The following CRTC3 variants were observed in gnomAD, a reference collection of about 807,000 sequenced individuals.
CRTC3 encodes CREB regulated transcription coactivator 3, also known as CREB-regulated transcription coactivator 3.
A neutral mutation model predicts 74.5 loss-of-function variants in CRTC3; 26 were observed. The observed-to-expected ratio is 0.35, with a 90% CI of 0.26 to 0.48. CRTC3 has a LOEUF of 0.48. CRTC3 is among the 20% of genes least tolerant of loss of function. The pLI is 0.99. For synonymous variants in CRTC3, 377 were observed against 325.8 expected (o/e 1.16, Z -1.69); for missense variants, 760 against 787.3 (o/e 0.97, Z 0.41).
At chr15:90,585,086 T>A (rs76064851) in intron 2 of CRTC3, among the ~76,000 whole-genome samples, 6,102 of 152,294 alleles carry the variant, frequency 0.04, 394 homozygotes, top group African/African-American at 0.14. Context: ...TGTAATTGAA[T>A]CTTAAATCTT....
intron 6 of CRTC3, among the ~76,000 whole-genome samples, chr15:90,608,142 CTG>C (rs1238114751): frequency 6.6e-6 from 1 of 152,152 alleles, no homozygotes; most frequent in Non-Finnish European, 1.5e-5. Context: ...CCCCTGGCCA[CTG>C]TGAGTAAGGG....
chr15:90,587,325 TC>T (rs1345729909), intron 2 of CRTC3, among the ~76,000 whole-genome samples: 1 of 152,170 alleles, frequency 6.6e-6, no homozygotes, highest in Non-Finnish European at 1.5e-5. Context: ...TACCTGGAAA[TC>T]CACAACTCTG....
intron 2 of CRTC3, among the ~76,000 whole-genome samples, chr15:90,568,554 T>G (rs1967178736): frequency 6.6e-6 from 1 of 151,920 alleles, no homozygotes; most frequent in African/African-American, 2.4e-5. Flanking sequence ...TTTCATCATA[T>G]TGGCCAGGCT....
chr15:90,613,192 A>AGGG (rs1567184644), intron 6 of CRTC3, among the ~76,000 whole-genome samples: 1 of 151,206 alleles, frequency 6.6e-6, no homozygotes, highest in African/African-American at 2.4e-5. Flanking sequence ...CGGGAAAAAA[A>AGGG]AAAAAAAAAA....
At chr15:90,582,612 A>T (rs1204981215) in intron 2 of CRTC3, among the ~76,000 whole-genome samples, 1 of 152,230 alleles carries the variant, frequency 6.6e-6, no homozygotes, top group Non-Finnish European at 1.5e-5. Context: ...AATTATGTAC[A>T]TATAACACTG....
intron 10 of CRTC3, among the ~76,000 whole-genome samples, chr15:90,628,997 CT>C (rs963508141): frequency 6.6e-6 from 1 of 152,132 alleles, no homozygotes; most frequent in African/African-American, 2.4e-5. Flanking sequence ...TTGACGTGAT[CT>C]CCCTCCTCAT....
At chr15:90,567,138 GA>G (rs1771613905) in intron 2 of CRTC3, among the ~76,000 whole-genome samples, 1 of 152,084 alleles carries the variant, frequency 6.6e-6, no homozygotes. Flanking sequence ...CTGGTGACTT[GA>G]AGTGGTTTCA....
intron 2 of CRTC3, among the ~76,000 whole-genome samples, chr15:90,580,586 C>T (rs996201643): frequency 6.6e-6 from 1 of 152,030 alleles, no homozygotes; most frequent in African/African-American, 2.4e-5. Context: ...TGCATGACCA[C>T]ACCCAGCTAA....
intron 9 of CRTC3, 65 bp from the exon 10 acceptor site, chr15:90,625,711 C>A: frequency 1.4e-6 from 2 of 1,405,856 alleles, no homozygotes; most frequent in East Asian, 2.3e-5. Context: ...AAGGTTTCAG[C>A]CATGTTTGGT....
chr15:90,585,035 G>A (rs753098956), intron 2 of CRTC3, among the ~76,000 whole-genome samples: 1 of 152,222 alleles, frequency 6.6e-6, no homozygotes, highest in African/African-American at 2.4e-5. Context: ...TGTGCCGTTT[G>A]TATTGCATCA....
chr15:90,537,909 A>C (rs1428113849), intron 1 of CRTC3, among the ~76,000 whole-genome samples: 1 of 152,184 alleles, frequency 6.6e-6, no homozygotes, highest in Non-Finnish European at 1.5e-5. Context: ...CAGTCTTTGA[A>C]GGCTTCGGAA....
intron 2 of CRTC3, among the ~76,000 whole-genome samples, chr15:90,578,531 G>A (rs1042831109): frequency 3.3e-5 from 5 of 151,952 alleles, no homozygotes; most frequent in African/African-American, 1.2e-4. Flanking sequence ...TTCAGGCTGG[G>A]CAACAGAGCG....
intron 2 of CRTC3, among the ~76,000 whole-genome samples, chr15:90,570,766 G>C (rs371362303): frequency 6.6e-6 from 1 of 152,174 alleles, no homozygotes; most frequent in Non-Finnish European, 1.5e-5. Flanking sequence ...AGAAATGAGA[G>C]ATGGTTTGTG....
rs1429579262 is a variant in CRTC3 at position 90,607,489 on chromosome 15, C to T, written c.577+11C>T. 6 of 1,485,490 alleles carry T rather than the reference C, an allele frequency of 4.0e-6. No homozygotes were observed. Among genetic ancestry groups the T allele is most frequent in the Non-Finnish European group, 5.6e-6 (6 of 1,066,420 alleles). 92.0% of individuals were successfully genotyped at this position (1,485,490 alleles called of 1,614,324 possible). ...CTGCCCCATACATGGGTAAGACACA[C>T]AGGCCACTGCTGACAGCAGCTGTGC... is the stretch of plus-strand genomic sequence containing the variant. On this transcript the variant is annotated intron_variant, in intron 6 of 14. Transcript: ENST00000268184.
Position 90,600,912 on chromosome 15 carries a change from G to A in CRTC3, c.352-1412G>A, listed in dbSNP as rs181923081. On this transcript the variant is annotated intron_variant, in intron 3 of 14. Transcript: ENST00000268184. ...TAAGGAGGCAACCTTCCACATAGGA[G>A]GTGAGAAAGGGGAAATGGCCTTAGC... Among the ~76,000 whole-genome samples, 4 of 152,316 alleles carry A rather than the reference G, an allele frequency of 2.6e-5. No individual in the cohort carries two copies. In the East Asian group the frequency reaches 5.8e-4, roughly 22 times the overall value.
chr15:90,574,412 A>G (rs13329200), intron 2 of CRTC3, among the ~76,000 whole-genome samples: 9,763 of 152,176 alleles, frequency 0.064, 1,041 homozygotes, highest in African/African-American at 0.22. Context: ...TGAGAGGCGG[A>G]GGTTGCAGTG....
At position 90,602,654 on chromosome 15, in the gene CRTC3, A is replaced by AC. The variant is rs994129767; in HGVS notation, c.413+269_413+270insC. On this transcript the variant is annotated intron_variant, in intron 4 of 14. Transcript: ENST00000268184. ...CTCTTAAAAACAAACAAACAAACAA[A>AC]ACAACAACAACAACAACAACAACAA... 4.6e-3 allele frequency among the ~76,000 whole-genome samples: 5 copies of AC among 1,082 alleles called. No homozygotes were observed. In the African/African-American group the frequency reaches 0.095, roughly 21 times the overall value. The allele number at this position is 1,082 out of a possible 152,430, so 0.7% of individuals were successfully genotyped here.
At chr15:90,542,341 G>T (rs1966816889) in intron 2 of CRTC3, among the ~76,000 whole-genome samples, 2 of 151,832 alleles carry the variant, frequency 1.3e-5, no homozygotes, top group Admixed American at 6.6e-5. Flanking sequence ...ACCACGCCTG[G>T]CTAATTTTTG....
At chr15:90,574,626 G>T (rs1177408623) in intron 2 of CRTC3, among the ~76,000 whole-genome samples, 2 of 152,152 alleles carry the variant, frequency 1.3e-5, no homozygotes, top group African/African-American at 4.8e-5. Flanking sequence ...AGTAGATATT[G>T]TCAGTTCACC....
Sources: allele counts gnomAD v4.1 joint callset (sites outside exome capture counted in the v4.1 genomes callset), GRCh38; gene constraint gnomAD v4.1.1; transcripts MANE v1.5; gene names NCBI Gene and HGNC (gene_info 2026-07-23, HGNC 2026-07-21).